The following PPARGC1A variants were observed in gnomAD, a reference collection of about 807,000 sequenced individuals.
The protein encoded by PPARGC1A is peroxisome proliferator-activated receptor gamma coactivator 1-alpha.
In PPARGC1A, 25 loss-of-function variants were observed where a neutral mutation model predicts 88.7. That is an observed-to-expected ratio of 0.28 (90% CI 0.21 to 0.39). The LOEUF (loss-of-function observed/expected upper bound fraction) is 0.39. Among genes scored for constraint, PPARGC1A ranks in the 10% least tolerant of loss-of-function variants. The probability of loss-of-function intolerance (pLI) is 1.00; values close to 1 mark genes in which losing one functional copy is unlikely to be tolerated. For missense variants in PPARGC1A, 880 were observed against 968.7 expected (o/e 0.91, Z 1.22); for synonymous variants, 363 against 355.6 (o/e 1.02, Z -0.24).
intron 7 of PPARGC1A, among the ~76,000 whole-genome samples, chr4:23,817,242 C>A (rs932702173): frequency 1.3e-5 from 2 of 151,942 alleles, no homozygotes; most frequent in Non-Finnish European, 2.9e-5. Context: ...AATTTGAAAC[C>A]CTTGTCCTAG....
the PPARGC1A span, among the ~76,000 whole-genome samples, chr4:24,397,159 A>G: frequency 6.6e-6 from 1 of 152,218 alleles, no homozygotes; most frequent in Non-Finnish European, 1.5e-5. Context: ...CTAGTAATCA[A>G]AGAAGAGTAA....
chr4:24,148,626 C>G, the PPARGC1A span, among the ~76,000 whole-genome samples: 2 of 152,168 alleles, frequency 1.3e-5, no homozygotes, highest in Non-Finnish European at 2.9e-5. Context: ...ATGTTATGAA[C>G]TAAACAGAAC....
At chr4:24,079,724 G>A in the PPARGC1A span, among the ~76,000 whole-genome samples, 1 of 151,744 alleles carries the variant, frequency 6.6e-6, no homozygotes, top group African/African-American at 2.4e-5. Context: ...TGAATTTTTT[G>A]CATTTTACAC....
chr4:24,037,789 T>C, the PPARGC1A span, among the ~76,000 whole-genome samples: 1 of 152,194 alleles, frequency 6.6e-6, no homozygotes, highest in Non-Finnish European at 1.5e-5. Context: ...TCACTGGGTA[T>C]ATCACAGTAT....
chr4:24,029,468 G>A, the PPARGC1A span, among the ~76,000 whole-genome samples: 4 of 152,152 alleles, frequency 2.6e-5, no homozygotes, highest in East Asian at 1.9e-4. Context: ...AGGAAAATCC[G>A]GATTGGAAAT....
At chr4:23,947,463 C>A in the PPARGC1A span, among the ~76,000 whole-genome samples, 1 of 147,980 alleles carries the variant, frequency 6.8e-6, no homozygotes, top group African/African-American at 2.5e-5. Context: ...TGTCACGCTG[C>A]TGGTAAGAAG....
At chr4:24,004,377 C>T in the PPARGC1A span, among the ~76,000 whole-genome samples, 3 of 152,226 alleles carry the variant, frequency 2.0e-5, no homozygotes, top group Admixed American at 1.3e-4. Flanking sequence ...GAAGGCACAA[C>T]ACTCCGTGAC....
chr4:24,287,524 G>GT, the PPARGC1A span, among the ~76,000 whole-genome samples: 12 of 151,400 alleles, frequency 7.9e-5, no homozygotes, highest in East Asian at 1.2e-3. Context: ...GGAGTGCTGA[G>GT]AAAAAAAAAT....
chr4:24,102,093 C>T, the PPARGC1A span, among the ~76,000 whole-genome samples: 7 of 152,220 alleles, frequency 4.6e-5, no homozygotes, highest in African/African-American at 1.7e-4. Flanking sequence ...CCCAACATAG[C>T]TTCAGCTCCA....
the PPARGC1A span, among the ~76,000 whole-genome samples, chr4:24,428,105 G>T: frequency 6.7e-6 from 1 of 149,606 alleles, no homozygotes; most frequent in Non-Finnish European, 1.5e-5. Context: ...GGGTGACAGA[G>T]TGAGAGAGAC....
the PPARGC1A span, among the ~76,000 whole-genome samples, chr4:24,106,826 G>C: frequency 1.3e-5 from 2 of 152,264 alleles, no homozygotes; most frequent in African/African-American, 4.8e-5. Flanking sequence ...TGACCCACCA[G>C]CTGGCTCAGA....
the PPARGC1A span, among the ~76,000 whole-genome samples, chr4:24,224,262 T>C: frequency 6.6e-6 from 1 of 151,968 alleles, no homozygotes; most frequent in East Asian, 1.9e-4. Flanking sequence ...TTGGGATCCA[T>C]AGAAAGAGGG....
chr4:24,150,771 A>G, the PPARGC1A span, among the ~76,000 whole-genome samples: 1 of 152,164 alleles, frequency 6.6e-6, no homozygotes, highest in African/African-American at 2.4e-5. Context: ...AGGTTGTACA[A>G]CAAAAAAAGC....
the PPARGC1A span, among the ~76,000 whole-genome samples, chr4:24,459,914 T>C: frequency 1.3e-5 from 2 of 152,250 alleles, no homozygotes; most frequent in African/African-American, 4.8e-5. Flanking sequence ...TTAAATACTG[T>C]ATATGCCCAA....
At chr4:23,929,847 A>C in the PPARGC1A span, among the ~76,000 whole-genome samples, 1 of 152,224 alleles carries the variant, frequency 6.6e-6, no homozygotes, top group Non-Finnish European at 1.5e-5. Flanking sequence ...TTTAGCATTC[A>C]TTGCGCCCTA....
At chr4:23,997,828 T>C in the PPARGC1A span, among the ~76,000 whole-genome samples, 1 of 152,088 alleles carries the variant, frequency 6.6e-6, no homozygotes, top group Non-Finnish European at 1.5e-5. Flanking sequence ...TAGTTGGCAA[T>C]AGAGATGGTT....
the PPARGC1A span, among the ~76,000 whole-genome samples, chr4:24,260,368 T>A: frequency 0.39 from 58,840 of 152,104 alleles, 12,168 homozygotes; most frequent in Non-Finnish European, 0.47. Flanking sequence ...GTTTATGGCA[T>A]CTTGAGTCAC....
At chr4:23,933,920 T>C in the PPARGC1A span, among the ~76,000 whole-genome samples, 1 of 152,254 alleles carries the variant, frequency 6.6e-6, no homozygotes, top group African/African-American at 2.4e-5. Flanking sequence ...TAATGTGTCC[T>C]GTGTGTCTCC....
At chr4:24,329,073 G>A in the PPARGC1A span, among the ~76,000 whole-genome samples, 2 of 152,130 alleles carry the variant, frequency 1.3e-5, no homozygotes, top group Non-Finnish European at 2.9e-5. Flanking sequence ...GATTTCCTGA[G>A]ATAAGGATGC....
Sources: allele counts gnomAD v4.1 joint callset (sites outside exome capture counted in the v4.1 genomes callset), GRCh38; gene constraint gnomAD v4.1.1; transcripts MANE v1.5; gene names NCBI Gene and HGNC (gene_info 2026-07-23, HGNC 2026-07-21).